ZSCAN21: variants seen among roughly 807,000 people sequenced by gnomAD.
ZSCAN21 encodes zinc finger and SCAN domain-containing protein 21.
A neutral mutation model predicts 35.6 loss-of-function variants in ZSCAN21; 26 were observed. That is an observed-to-expected ratio of 0.73 (90% CI 0.54 to 1.01). The LOEUF is 1.01. Ranked by LOEUF, ZSCAN21 falls within the 50% of genes least tolerant of loss-of-function variation. The pLI, the probability that ZSCAN21 is intolerant of heterozygous loss-of-function variation, is 0.00. For synonymous variants in ZSCAN21, 219 were observed against 219.3 expected, an observed-to-expected ratio of 1.00 and a Z score of 0.01; for missense variants, 593 against 587.1, an observed-to-expected ratio of 1.01 and a Z score of -0.10.
At chr7:100,059,018 G>A (rs1365099377) in intron 3 of ZSCAN21, among the ~76,000 whole-genome samples, 1 of 152,192 alleles carries the variant, frequency 6.6e-6, no homozygotes, top group African/African-American at 2.4e-5. Context: ...TTATATGTTT[G>A]CAAAAATATG....
At chr7:100,056,618 C>A (rs1361450429) in intron 1 of ZSCAN21, among the ~76,000 whole-genome samples, 1 of 152,114 alleles carries the variant, frequency 6.6e-6, no homozygotes, top group Non-Finnish European at 1.5e-5. Context: ...GCATCCATCA[C>A]CACGCCTGGC....
intron 3 of ZSCAN21, among the ~76,000 whole-genome samples, chr7:100,059,579 A>T (rs980003035): frequency 8.7e-6 from 1 of 115,050 alleles, no homozygotes; most frequent in African/African-American, 3.4e-5. Flanking sequence ...TTTGAGACGG[A>T]GTCTCCCTCT....
intron 1 of ZSCAN21, among the ~76,000 whole-genome samples, chr7:100,054,629 A>C (rs759873357): frequency 6.6e-6 from 1 of 151,612 alleles, no homozygotes; most frequent in Non-Finnish European, 1.5e-5. Flanking sequence ...TTCCCTTTTC[A>C]TGCTTTGGTT....
Position 100,064,669 on chromosome 7 carries a change from C to T in ZSCAN21, c.*52C>T. ...TGTTTTAAACTTTAGAATCTGAAAA[C>T]CAGAAAGAAGTCTTGTCATTGCAGC... On this transcript the variant is annotated 3_prime_UTR_variant, in exon 4 of 4. Coordinates refer to ENST00000292450, the MANE Select transcript of ZSCAN21 (RefSeq NM_145914.3). 6.2e-7 allele frequency: 1 copy of T among 1,602,502 alleles called. No homozygotes were observed.
chr7:100,060,338 C>T (rs1230431350), intron 3 of ZSCAN21, among the ~76,000 whole-genome samples: 3 of 151,862 alleles, frequency 2.0e-5, no homozygotes, highest in Non-Finnish European at 4.4e-5. Context: ...CCGAGGAGGG[C>T]GGATCATGAG....
At chr7:100,055,777 C>G (rs1191882199) in intron 1 of ZSCAN21, among the ~76,000 whole-genome samples, 1 of 151,322 alleles carries the variant, frequency 6.6e-6, no homozygotes, top group Admixed American at 6.6e-5. Flanking sequence ...AATAGCTGGA[C>G]TACAGGCGCC....
chr7:100,061,132 A>G (rs1390941987), intron 3 of ZSCAN21, among the ~76,000 whole-genome samples: 1 of 152,220 alleles, frequency 6.6e-6, no homozygotes, highest in East Asian at 1.9e-4. Context: ...CTGATGACAA[A>G]CTACCCAACA....
At chr7:100,058,953 C>T (rs1470441021) in intron 3 of ZSCAN21, among the ~76,000 whole-genome samples, 1 of 152,230 alleles carries the variant, frequency 6.6e-6, no homozygotes, top group Non-Finnish European at 1.5e-5. Context: ...CTCTTAAGTA[C>T]CTTCATTTAC....
intron 3 of ZSCAN21, among the ~76,000 whole-genome samples, chr7:100,063,147 A>C (rs1005025058): frequency 1.3e-5 from 2 of 152,176 alleles, no homozygotes; most frequent in African/African-American, 4.8e-5. Context: ...CTCCCGCCTC[A>C]GCTCCCAAAG....
At position 100,064,143 on chromosome 7, in the gene ZSCAN21, C is replaced by A. The variant is rs1270022944; in HGVS notation, c.948C>A (p.His316Gln). The A allele has an allele frequency of 6.2e-7, 1 of 1,614,028 alleles. No homozygotes were observed. Among genetic ancestry groups the A allele is most frequent in the Admixed American group, 1.7e-5 (1 of 60,014 alleles). Residue 316 changes from histidine (H) to glutamine (Q), a missense_variant, in exon 4 of 4, where the codon CAC (histidine) becomes CAA (glutamine). Physicochemically the swap from His to Gln is conservative, Grantham distance 24 (BLOSUM62 0). Transcript: ENST00000292450. The stretch of plus-strand genomic sequence containing the variant: ...CCAAGTGTGGGAAAGCTTTCAGCCA[C>A]AGCTCAAACCTCACCCTCCACTACA... ...VCTKCGKAFS[H>Q]SSNLTLHYRT...
chr7:100,061,430 G>A (rs1792286437), intron 3 of ZSCAN21, among the ~76,000 whole-genome samples: 1 of 152,198 alleles, frequency 6.6e-6, no homozygotes, highest in African/African-American at 2.4e-5. Flanking sequence ...GCTGAGGCAG[G>A]AGGATCATTT....
At chr7:100,060,981 C>G (rs1331365223) in intron 3 of ZSCAN21, among the ~76,000 whole-genome samples, 3 of 151,866 alleles carry the variant, frequency 2.0e-5, no homozygotes, top group African/African-American at 4.8e-5. Flanking sequence ...TCACCTGAAC[C>G]CAGGAGGTGG....
intron 3 of ZSCAN21, among the ~76,000 whole-genome samples, chr7:100,062,349 G>A (rs1438885306): frequency 2.7e-5 from 4 of 149,364 alleles, no homozygotes; most frequent in Non-Finnish European, 5.9e-5. Context: ...CCAGCACTTC[G>A]GGAGGCTGAG....
Position 100,064,689 on chromosome 7 carries a change from T to TGCA in ZSCAN21, c.*79_*81dup, listed in dbSNP as rs1227607796. ...GAAAACCAGAAAGAAGTCTTGTCAT[T>TGCA]GCAGCAGCATCGATTCCGGTGATAG... On this transcript the variant is annotated 3_prime_UTR_variant, in exon 4 of 4. Coordinates refer to ENST00000292450, the MANE Select transcript of ZSCAN21 (RefSeq NM_145914.3). 6.2e-7 allele frequency: 1 copy of TGCA among 1,605,894 alleles called. No homozygotes were observed. Among genetic ancestry groups the TGCA allele is most frequent in the Non-Finnish European group, 8.5e-7 (1 of 1,174,790 alleles).
intron 3 of ZSCAN21, among the ~76,000 whole-genome samples, chr7:100,060,923 C>G (rs547347547): frequency 1.2e-4 from 18 of 150,010 alleles, no homozygotes; most frequent in Middle Eastern, 3.6e-3. Flanking sequence ...TATTGGTACA[C>G]GCCTGTAGTC....
In ZSCAN21 at chr7:100,064,445, A is replaced by G; in HGVS notation, c.1250A>G (p.Lys417Arg). Residue 417 changes from lysine (K) to arginine (R), a missense_variant, in exon 4 of 4, where the codon AAG (lysine) becomes AGG (arginine). By Grantham distance (26) the Lys-to-Arg change is conservative. Coordinates refer to ENST00000292450, the MANE Select transcript of ZSCAN21 (RefSeq NM_145914.3). Reference sequence around the variant, plus strand: ...CTCCACACCGGAGAGAAGCCATATAAGTGTAAGGAGTGTGGGAAAGCCTTC... The same window carrying G: ...CTCCACACCGGAGAGAAGCCATATAGGTGTAAGGAGTGTGGGAAAGCCTTC... ...QRLHTGEKPY[K>R]CKECGKAFNH... 1.2e-6 allele frequency: 2 copies of G among 1,613,962 alleles called. No individual in the cohort carries two copies. Among genetic ancestry groups the G allele is most frequent in the Non-Finnish European group, 1.7e-6 (2 of 1,180,000 alleles).
At chr7:100,059,597 G>T (rs1315642731) in intron 3 of ZSCAN21, among the ~76,000 whole-genome samples, 2 of 150,246 alleles carry the variant, frequency 1.3e-5, no homozygotes, top group East Asian at 3.9e-4. Flanking sequence ...TCTGTTGCTA[G>T]GCTGGAGTGC....
In ZSCAN21 at chr7:100,057,154, C is replaced by G. The variant is rs779449227; in HGVS notation, c.148C>G (p.Gln50Glu). The G allele has an allele frequency of 6.2e-7, 1 of 1,614,054 alleles. No homozygotes were observed. The highest frequency in any genetic ancestry group is 1.1e-5 in the South Asian group (1 of 91,080). Reference sequence around the variant, plus strand: ...GGAGATGTTCCGCCAGCGCTTCAGGCAGTTTGGGTACCATGATACCCCTGG... The same window carrying G: ...GGAGATGTTCCGCCAGCGCTTCAGGGAGTTTGGGTACCATGATACCCCTGG... ...SLEMFRQRFRQFGYHDTPGPR... is the reference protein window; with the variant it reads ...SLEMFRQRFREFGYHDTPGPR... Residue 50 changes from glutamine (Q) to glutamate (E), a missense_variant, in exon 2 of 4, where the codon CAG becomes GAG. Coordinates refer to ENST00000292450, the MANE Select transcript of ZSCAN21 (RefSeq NM_145914.3).
At chr7:100,053,515 G>C (rs1020425917) in intron 1 of ZSCAN21, among the ~76,000 whole-genome samples, 2 of 72,964 alleles carry the variant, frequency 2.7e-5, no homozygotes, top group African/African-American at 1.3e-4. Context: ...ACTGAGGAGG[G>C]CTCTTACATA....
Sources: gnomAD v4.1 joint callset for allele counts (sites outside exome capture counted in the v4.1 genomes callset) on GRCh38, gnomAD v4.1.1 for gene constraint, MANE v1.5 for transcripts, NCBI Gene and HGNC (gene_info 2026-07-23, HGNC 2026-07-21) for gene names.